Variants in SLC22A23 observed in about 807,000 individuals in gnomAD.
SLC22A23 encodes the protein ion transporter protein.
In SLC22A23, 26 loss-of-function variants were observed where a neutral mutation model predicts 61.0. The ratio of observed to expected loss-of-function variants is 0.43; its 90% CI spans 0.31 to 0.59. The LOEUF (loss-of-function observed/expected upper bound fraction) is 0.59, where lower values mean the gene tolerates loss of function less well. SLC22A23 is among the 20% of genes least tolerant of loss of function. The pLI, the probability that SLC22A23 is intolerant of heterozygous loss-of-function variation, is 0.11. For missense variants in SLC22A23, 796 were observed against 934.7 expected, an observed-to-expected ratio of 0.85 and a Z score of 1.94; for synonymous variants, 430 against 413.9, an observed-to-expected ratio of 1.04 and a Z score of -0.47.
chr6:3,287,774 CCCTGGTT>C (rs1167344383), intron 6 of SLC22A23, among the ~76,000 whole-genome samples: 6 of 151,942 alleles, frequency 3.9e-5, no homozygotes, highest in African/African-American at 1.4e-4. Context: ...ACCTCCCCCT[CCCTGGTT>C]CAAGTGATTC....
At position 3,318,627 on chromosome 6, in the gene SLC22A23, G is replaced by C. The variant is rs1333589526; in HGVS notation, c.1082+5207C>G. Among the ~76,000 whole-genome samples the C allele has an allele frequency of 6.6e-6, 1 of 152,102 alleles. No individual in the cohort carries two copies. The highest frequency in any genetic ancestry group is 1.5e-5 in the Non-Finnish European group (1 of 68,014). ...TATGTACCCCTTCCTCCTGGGAACT[G>C]AGAGTAATAAATGATCTTTCAATGG... On this transcript the variant is annotated intron_variant, in intron 4 of 9. Coordinates refer to ENST00000406686, the MANE Select transcript of SLC22A23 (RefSeq NM_015482.2). The surrounding 1 kb of genome is among the most constrained non-coding windows in gnomAD (Gnocchi z 4.3).
chr6:3,430,372 C>A (rs1445311486), intron 1 of SLC22A23, among the ~76,000 whole-genome samples: 4 of 152,142 alleles, frequency 2.6e-5, no homozygotes, highest in Non-Finnish European at 5.9e-5. Context: ...AGTCACCAAC[C>A]CCCTTGACTT....
chr6:3,439,212 C>A, intron 1 of SLC22A23: 1 of 374,256 alleles, frequency 2.7e-6, no homozygotes, highest in Non-Finnish European at 5.3e-6. Context: ...CAGTAGCACC[C>A]TCCCCCCATG....
At position 3,372,279 on chromosome 6, in the gene SLC22A23, T is replaced by G. The variant is rs1458742249; in HGVS notation, c.913+37909A>C. 6.6e-6 allele frequency among the ~76,000 whole-genome samples: 1 copy of G among 152,188 alleles called. No individual in the cohort carries two copies. Among genetic ancestry groups the G allele is most frequent in the African/African-American group, 2.4e-5 (1 of 41,444 alleles). The stretch of plus-strand genomic sequence containing the variant: ...GGGCCAGTAAATCTTGTCCATCTAG[T>G]GTTTCAAAGTAGGGTATGAATGCAG... On this transcript the variant is annotated intron_variant, in intron 3 of 9. Transcript: ENST00000406686. This position sits in a 1 kb window ranked among gnomAD's most constrained non-coding sequence, Gnocchi z 4.7.
At chr6:3,436,218 C>T (rs1469734950) in intron 1 of SLC22A23, among the ~76,000 whole-genome samples, 2 of 152,050 alleles carry the variant, frequency 1.3e-5, no homozygotes, top group African/African-American at 4.8e-5. Context: ...CGGCTCACTG[C>T]AATCTTTGCC....
chr6:3,290,117 A>C (rs748200569), intron 5 of SLC22A23: 2 of 549,352 alleles, frequency 3.6e-6, no homozygotes, highest in Non-Finnish European at 6.6e-6. Flanking sequence ...CGTCAGCAGA[A>C]GTTTCCATCA....
intron 3 of SLC22A23, among the ~76,000 whole-genome samples, chr6:3,326,319 G>GC (rs1369371461): frequency 2.0e-5 from 3 of 152,304 alleles, no homozygotes; most frequent in Admixed American, 6.5e-5. Flanking sequence ...ACCCTTTGCT[G>GC]CCTGAAGTGT....
At chr6:3,346,589 C>G (rs546984927) in intron 3 of SLC22A23, among the ~76,000 whole-genome samples, 12 of 152,222 alleles carry the variant, frequency 7.9e-5, no homozygotes, top group African/African-American at 2.9e-4. Flanking sequence ...GCTCTTTAAA[C>G]CCTTGTGTTG....
intron 3 of SLC22A23, among the ~76,000 whole-genome samples, chr6:3,358,390 G>C (rs575760569): frequency 6.6e-6 from 1 of 152,252 alleles, no homozygotes; most frequent in African/African-American, 2.4e-5. Flanking sequence ...ATATGATTCC[G>C]CTTAAGAACG....
intron 3 of SLC22A23, among the ~76,000 whole-genome samples, chr6:3,354,192 C>T (rs1764938192): frequency 6.6e-6 from 1 of 152,250 alleles, no homozygotes; most frequent in Non-Finnish European, 1.5e-5. Context: ...CAGGCTCACA[C>T]AAACACATAG....
chr6:3,345,363 C>CTT (rs1163840651), intron 3 of SLC22A23, among the ~76,000 whole-genome samples: 5,286 of 124,720 alleles, frequency 0.042, 463 homozygotes, highest in African/African-American at 0.14. Flanking sequence ...TATCTCTTTT[C>CTT]TTTTTTTTTT....
In SLC22A23 at chr6:3,386,265, G is replaced by A. The variant is rs954806239; in HGVS notation, c.913+23923C>T. Among the ~76,000 whole-genome samples the A allele has an allele frequency of 1.3e-5, 2 of 152,226 alleles. No individual in the cohort carries two copies. The highest frequency in any genetic ancestry group is 4.8e-5 in the African/African-American group (2 of 41,460). On this transcript the variant is annotated intron_variant, in intron 3 of 9. Coordinates refer to ENST00000406686, the MANE Select transcript of SLC22A23 (RefSeq NM_015482.2). The surrounding 1 kb of genome is among the most constrained non-coding windows in gnomAD (Gnocchi z 4.4). ...GTTAGGGGTTTAGAAACCCAAGGCA[G>A]GGGAGGTAGGAAGGGGAGGCAGAAA...
chr6:3,410,374 A>G lies in SLC22A23; in HGVS notation c.759-32T>C, dbSNP rs1054331636. ...ATGGAGAGGGAAAAAGTTAGGAATC[A>G]TTGTGAAACAAGACAATGACGCTAG... On this transcript the variant is annotated intron_variant, in intron 2 of 9. Transcript: ENST00000406686. The surrounding 1 kb of genome is among the most constrained non-coding windows in gnomAD (Gnocchi z 5.0). 1.3e-6 allele frequency: 2 copies of G among 1,547,246 alleles called. No homozygotes were observed. The highest frequency in any genetic ancestry group is 1.7e-6 in the Non-Finnish European group (2 of 1,145,918).
intron 3 of SLC22A23, among the ~76,000 whole-genome samples, chr6:3,396,390 A>G (rs982900158): frequency 7.2e-5 from 11 of 152,158 alleles, no homozygotes; most frequent in Non-Finnish European, 1.5e-4. Context: ...GTGAATCCCC[A>G]TCTCTACTAA....
At chr6:3,394,540 A>C (rs1219467326) in intron 3 of SLC22A23, among the ~76,000 whole-genome samples, 1 of 152,216 alleles carries the variant, frequency 6.6e-6, no homozygotes, top group Non-Finnish European at 1.5e-5. Context: ...TGCATCAAAG[A>C]GGAAATTATC....
rs1160749482 is a variant in SLC22A23, at chr6:3,330,064, G to A, written c.914-6062C>T. On this transcript the variant is annotated intron_variant, in intron 3 of 9. Transcript: ENST00000406686. The surrounding 1 kb of genome is among the most constrained non-coding windows in gnomAD (Gnocchi z 4.7). ...TGGGCCACTAGGACACCGGGGCTTG[G>A]GGATCCCACCGCCCTGCCCAGCCCC... Among the ~76,000 whole-genome samples the A allele has an allele frequency of 2.0e-5, 3 of 152,148 alleles. No homozygotes were observed. The highest frequency in any genetic ancestry group is 3.9e-4 in the East Asian group (2 of 5,184).
At chr6:3,295,605 G>A (rs934801746) in intron 5 of SLC22A23, among the ~76,000 whole-genome samples, 4 of 152,218 alleles carry the variant, frequency 2.6e-5, no homozygotes, top group South Asian at 2.1e-4. Context: ...CACGAGGCTC[G>A]GAGCAGGTGT....
chr6:3,439,756 G>A (rs560747016), intron 1 of SLC22A23, among the ~76,000 whole-genome samples: 2 of 152,274 alleles, frequency 1.3e-5, no homozygotes, highest in East Asian at 3.9e-4. Context: ...AGGGGCTGAG[G>A]ATATATATTC....
Position 3,303,816 on chromosome 6 carries a change from T to C in SLC22A23, c.1083-5598A>G, listed in dbSNP as rs531455478. 1.2e-4 allele frequency among the ~76,000 whole-genome samples: 18 copies of C among 152,246 alleles called. No homozygotes were observed. In the South Asian group the frequency reaches 3.7e-3, roughly 32 times the overall value. On this transcript the variant is annotated intron_variant, in intron 4 of 9. Coordinates refer to ENST00000406686, the MANE Select transcript of SLC22A23 (RefSeq NM_015482.2). Reference sequence around the variant, plus strand: ...TAGGATGACTCTAGTTAATAATATATCATATAGTTTCAAATATCGAATGTT... The same window carrying C: ...TAGGATGACTCTAGTTAATAATATACCATATAGTTTCAAATATCGAATGTT...
Sources: gnomAD v4.1 joint callset for allele counts (sites outside exome capture counted in the v4.1 genomes callset) on GRCh38, gnomAD v4.1.1 for gene constraint, Gnocchi (gnomAD v3.1) non-coding constraint, MANE v1.5 for transcripts, NCBI Gene and HGNC (gene_info 2026-07-23, HGNC 2026-07-21) for gene names.